ZC3H12B: variants seen among roughly 807,000 people sequenced by gnomAD.
ZC3H12B encodes the protein probable ribonuclease ZC3H12B.
A neutral mutation model predicts 43.9 loss-of-function variants in ZC3H12B; 7 were observed. The ratio of observed to expected loss-of-function variants is 0.16; its 90% CI spans 0.09 to 0.30. ZC3H12B has a LOEUF of 0.30. ZC3H12B is among the 10% of genes least tolerant of loss of function. The pLI is 1.00. For missense variants in ZC3H12B, 475 were observed against 670.2 expected, an observed-to-expected ratio of 0.71 and a Z score of 3.22; for synonymous variants, 222 against 241.7, an observed-to-expected ratio of 0.92 and a Z score of 0.76.
chrX:65,430,978 C>T (rs1335131889), intron 3 of ZC3H12B, among the ~76,000 whole-genome samples: 2 of 111,996 alleles, frequency 1.8e-5, no homozygotes, highest in East Asian at 2.8e-4. Context: ...TCCATGAGTG[C>T]CATGGACTGC....
intron 1 of ZC3H12B, 46 bp from the exon 7 acceptor site, chrX:65,497,086 C>A (rs974463905): frequency 1.8e-6 from 2 of 1,129,801 alleles, no homozygotes; most frequent in Non-Finnish European, 2.4e-6. Flanking sequence ...TATTTCTTTG[C>A]TATCTATTAT....
At chrX:65,224,839 C>A in the ZC3H12B span, among the ~76,000 whole-genome samples, 1 of 112,033 alleles carries the variant, frequency 8.9e-6, no homozygotes, top group Non-Finnish European at 1.9e-5. Context: ...CCCGCCATTG[C>A]CAAGGCTTGC....
chrX:65,487,431 T>C (rs984025375), upstream of ZC3H12B, among the ~76,000 whole-genome samples: 11 of 111,486 alleles, frequency 9.9e-5, no homozygotes, highest in Admixed American at 9.5e-4. Context: ...TCCCAGCTAC[T>C]TGGGAGGCTG....
At chrX:65,386,119 G>A (rs12834736) in intron 2 of ZC3H12B, among the ~76,000 whole-genome samples, 11 of 111,291 alleles carry the variant, frequency 9.9e-5, no homozygotes, top group Admixed American at 8.6e-4. Flanking sequence ...TTTTTGTTGT[G>A]TCTCTGCCAG....
At chrX:65,458,084 T>TAAAAAAAAAAAAAAAAAAAAAAAAA (rs2067659998) in intron 3 of ZC3H12B, among the ~76,000 whole-genome samples, 2 of 48,991 alleles carry the variant, frequency 4.1e-5, no homozygotes, top group Non-Finnish European at 7.1e-5. Context: ...AAAAAAAAAA[T>TAAAAAAAAAAAAAAAAAAAAAAAAA]TAAAAAAAAA....
the ZC3H12B span, among the ~76,000 whole-genome samples, chrX:65,293,830 C>G: frequency 1.8e-5 from 2 of 111,310 alleles, no homozygotes; most frequent in Non-Finnish European, 3.8e-5. Context: ...AAAAAATGAA[C>G]AAAGCCTCCA....
chrX:65,269,806 TA>T, the ZC3H12B span, among the ~76,000 whole-genome samples: 3 of 110,822 alleles, frequency 2.7e-5, no homozygotes, highest in African/African-American at 9.9e-5. Context: ...ACCATAGGAA[TA>T]ATTTTTTTAA....
the ZC3H12B span, among the ~76,000 whole-genome samples, chrX:65,067,711 CT>C: frequency 8.6e-4 from 93 of 107,528 alleles, no homozygotes; most frequent in Non-Finnish European, 1.1e-3. Flanking sequence ...TTTCATTGAT[CT>C]TTTTTTTTTA....
chrX:65,266,295 C>T, the ZC3H12B span, among the ~76,000 whole-genome samples: 271 of 111,567 alleles, frequency 2.4e-3, 1 homozygote, highest in African/African-American at 8.6e-3. Context: ...CTCAGGCATT[C>T]AGGAGAGTGA....
the ZC3H12B span, among the ~76,000 whole-genome samples, chrX:65,120,140 G>C: frequency 9.0e-6 from 1 of 111,724 alleles, no homozygotes; most frequent in East Asian, 2.8e-4. Context: ...GCTCTTTTTT[G>C]ATTCCATGTG....
At chrX:65,167,705 C>T in the ZC3H12B span, among the ~76,000 whole-genome samples, 9 of 111,560 alleles carry the variant, frequency 8.1e-5, no homozygotes, top group Admixed American at 8.6e-4. Flanking sequence ...TGTTTGTGTC[C>T]TCTTTTATTT....
the ZC3H12B span, among the ~76,000 whole-genome samples, chrX:65,206,836 G>C: frequency 1.8e-5 from 2 of 110,728 alleles, no homozygotes; most frequent in African/African-American, 6.6e-5. Flanking sequence ...CCATCAAAAA[G>C]TGGGCTAAGG....
At chrX:65,388,117 T>C (rs1005240058) in intron 2 of ZC3H12B, among the ~76,000 whole-genome samples, 8 of 111,650 alleles carry the variant, frequency 7.2e-5, no homozygotes, top group East Asian at 5.6e-4. Flanking sequence ...CAATTATGTG[T>C]CTTGGAGTTG....
intron 2 of ZC3H12B, among the ~76,000 whole-genome samples, chrX:65,381,027 C>T (rs1569384335): frequency 9.0e-6 from 1 of 111,271 alleles, no homozygotes; most frequent in Non-Finnish European, 1.9e-5. Context: ...ACCCCACTGT[C>T]AACATTGACA....
At chrX:65,216,326 G>A in the ZC3H12B span, among the ~76,000 whole-genome samples, 13 of 111,065 alleles carry the variant, frequency 1.2e-4, no homozygotes, top group African/African-American at 2.9e-4. Context: ...GAGAGAGAGC[G>A]TAGTGAGTGT....
At chrX:65,182,998 GT>G in the ZC3H12B span, among the ~76,000 whole-genome samples, 1 of 111,880 alleles carries the variant, frequency 8.9e-6, no homozygotes, top group African/African-American at 3.2e-5. Context: ...TTGAGCCATT[GT>G]GGCATGCAGT....
chrX:65,426,392 CAAAAAA>C lies in ZC3H12B; in HGVS notation n.407+27707_407+27712del, dbSNP rs58910748. On this transcript the variant is annotated intron_variant and non_coding_transcript_variant, in intron 3 of 5. Transcript: ENST00000617377. ...GTCTATCTATATTGTTAATTATTTC[CAAAAAA>C]AAAAAAAAAAAAAAAAAACACAGCT... Among the ~76,000 whole-genome samples the C allele has an allele frequency of 5.2e-3, 219 of 42,195 alleles. 1 individual carries two copies. Among genetic ancestry groups the C allele is most frequent in the African/African-American group, 0.015 (216 of 14,757 alleles). The allele number at this position is 42,195 out of a possible 115,157, so 36.6% of individuals were successfully genotyped here. A position where few individuals can be genotyped will look rare whatever the true frequency, so the allele number is the denominator to read the frequency against.
the ZC3H12B span, among the ~76,000 whole-genome samples, chrX:65,236,058 G>T: frequency 8.9e-6 from 1 of 111,849 alleles, no homozygotes; most frequent in Non-Finnish European, 1.9e-5. Flanking sequence ...CTGCTGATTG[G>T]TTTATGGTTG....
chrX:65,238,969 T>A, the ZC3H12B span, among the ~76,000 whole-genome samples: 6 of 111,853 alleles, frequency 5.4e-5, no homozygotes, highest in Non-Finnish European at 1.1e-4. Flanking sequence ...ATGTCAGGGG[T>A]TTTTTTATTT....
Sources: allele counts gnomAD v4.1 joint callset (sites outside exome capture counted in the v4.1 genomes callset), GRCh38; gene constraint gnomAD v4.1.1; transcripts MANE v1.5; gene names NCBI Gene and HGNC (gene_info 2026-07-23, HGNC 2026-07-21).